The following DCAF1 variants were observed in gnomAD, a reference collection of about 807,000 sequenced individuals.
DCAF1 encodes the protein DDB1- and CUL4-associated factor 1.
Under a neutral mutation model 128.0 loss-of-function variants are expected in DCAF1, and 15 were observed. The ratio of observed to expected loss-of-function variants is 0.12; its 90% CI spans 0.08 to 0.18. The LOEUF (loss-of-function observed/expected upper bound fraction) is 0.18, where lower values mean the gene tolerates loss of function less well. Ranked by LOEUF, DCAF1 falls within the 10% of genes least tolerant of loss-of-function variation. DCAF1 has a pLI of 1.00. For synonymous variants in DCAF1, 610 were observed against 603.0 expected (o/e 1.01, Z -0.17); for missense variants, 988 against 1,649.5 (o/e 0.60, Z 6.95).
At chr3:51,502,576 AT>A (rs1159171666), upstream of DCAF1, among the ~76,000 whole-genome samples, 1 of 151,898 alleles carries the variant, frequency 6.6e-6, no homozygotes, top group African/African-American at 2.4e-5. Flanking sequence ...TTTTTTTTTA[AT>A]TTTTTTAAAA....
At chr3:51,417,714 T>C (rs1324067936) in intron 17 of DCAF1, among the ~76,000 whole-genome samples, 4 of 142,562 alleles carry the variant, frequency 2.8e-5, no homozygotes, top group Non-Finnish European at 6.0e-5. Context: ...AACGAGACTC[T>C]GTCTCACAAA....
At chr3:51,448,618 T>C (rs1301270287) in intron 6 of DCAF1, among the ~76,000 whole-genome samples, 2 of 152,242 alleles carry the variant, frequency 1.3e-5, no homozygotes, top group African/African-American at 2.4e-5. Context: ...TTACATCCAA[T>C]AGTTTAACCA....
chr3:51,504,901 C>T (rs1300193146), upstream of DCAF1, among the ~76,000 whole-genome samples: 1 of 151,924 alleles, frequency 6.6e-6, no homozygotes, highest in Non-Finnish European at 1.5e-5. Context: ...ATCATTGAGC[C>T]TAGGAGTTCA....
intron 23 of DCAF1, 22 bp from the exon 24 acceptor site, chr3:51,403,417 C>CATA: frequency 1.3e-6 from 2 of 1,551,322 alleles, no homozygotes; most frequent in Non-Finnish European, 1.7e-6. Flanking sequence ...GCGTAATGTT[C>CATA]ATTAGTACAA....
At chr3:51,446,883 C>T (rs1553640324) in intron 6 of DCAF1, among the ~76,000 whole-genome samples, 1 of 150,222 alleles carries the variant, frequency 6.7e-6, no homozygotes, top group Non-Finnish European at 1.5e-5. Context: ...ATCGCTGAGC[C>T]CGGAAGGTGG....
In DCAF1 at chr3:51,438,064, A is replaced by G. The variant is rs1553637482; in HGVS notation, c.1128+2906T>C. The G allele has an allele frequency of 6.9e-6, 3 of 435,252 alleles. No individual in the cohort carries two copies. The Admixed American group carries it at 8.9e-5, about 13-fold the overall frequency. The allele number at this position is 435,252 out of a possible 1,614,324, so 27.0% of individuals were successfully genotyped here. A position where few individuals can be genotyped will look rare whatever the true frequency, so the allele number is the denominator to read the frequency against. On this transcript the variant is annotated intron_variant, in intron 9 of 24. Transcript: ENST00000684031. ...CATCTTAAAATTTTACTTATTACATATTCATTCATTCTTTTCTGACTTCTG... is the reference window on the plus strand; with the variant it reads ...CATCTTAAAATTTTACTTATTACATGTTCATTCATTCTTTTCTGACTTCTG...
At chr3:51,454,810 A>T (rs1702723313) in intron 6 of DCAF1, among the ~76,000 whole-genome samples, 1 of 151,938 alleles carries the variant, frequency 6.6e-6, no homozygotes, top group South Asian at 2.1e-4. Context: ...AGTAGCTGGG[A>T]CTACAGGCGC....
intron 13 of DCAF1, among the ~76,000 whole-genome samples, chr3:51,425,439 TC>T (rs2107470025): frequency 6.6e-6 from 1 of 151,504 alleles, no homozygotes; most frequent in South Asian, 2.1e-4. Flanking sequence ...GCCACTGCAC[TC>T]CAGCCTGGGC....
intron 4 of DCAF1, among the ~76,000 whole-genome samples, chr3:51,467,143 C>G (rs978587226): frequency 2.0e-5 from 3 of 152,038 alleles, no homozygotes; most frequent in African/African-American, 7.2e-5. Flanking sequence ...AACAGCCTGG[C>G]CAACATGGCG....
intron 6 of DCAF1, among the ~76,000 whole-genome samples, chr3:51,447,332 C>T (rs1043197139): frequency 6.6e-6 from 1 of 151,902 alleles, no homozygotes; most frequent in African/African-American, 2.4e-5. Context: ...ATCGCTTGAA[C>T]CTGGAAGGCA....
rs782375195 is a variant in DCAF1 at position 51,416,875 on chromosome 3, T to C, written c.3519-4A>G. On this transcript the variant is annotated splice_polypyrimidine_tract_variant and splice_region_variant and intron_variant, in intron 17 of 24. Coordinates refer to ENST00000684031, the MANE Select transcript of DCAF1 (RefSeq NM_001387579.1). ...GTGATCTTCTGTGAAGGAATGCCTATGGACAAACAACAGGAGCACTGAAGT... is the reference window on the plus strand; with the variant it reads ...GTGATCTTCTGTGAAGGAATGCCTACGGACAAACAACAGGAGCACTGAAGT... 9 of 1,604,906 alleles carry C rather than the reference T, an allele frequency of 5.6e-6. No individual in the cohort carries two copies. Among genetic ancestry groups the C allele is most frequent in the African/African-American group, 4.0e-5 (3 of 74,818 alleles).
intron 7 of DCAF1, 78 bp downstream of exon 7, chr3:51,443,688 C>T (rs1252093034): frequency 7.8e-7 from 1 of 1,290,294 alleles, no homozygotes; most frequent in East Asian, 2.6e-5. Context: ...ATATGATCTA[C>T]TTATTCAGAT....
In DCAF1 at chr3:51,420,186, A is replaced by G; in HGVS notation, c.2784T>C (p.Thr928=). The change falls in exon 15 of 25, where the codon ACT becomes ACC. Residue 928 remains threonine, a synonymous_variant. Transcript: ENST00000684031. The surrounding 1 kb of genome is among the most constrained non-coding windows in gnomAD (Gnocchi z 6.5). ...AVGASAPSAP[T]AHPQPRPPQG... ...GGGGGGGCCGTGGCTGAGGATGAGC[A>G]GTAGGGGCAGAAGGCGCAGAGGCAC... 6.2e-7 allele frequency: 1 copy of G among 1,614,022 alleles called. No individual in the cohort carries two copies. Among genetic ancestry groups the G allele is most frequent in the Non-Finnish European group, 8.5e-7 (1 of 1,179,890 alleles).
At chr3:51,419,385 A>C (rs1699191221) in intron 15 of DCAF1, among the ~76,000 whole-genome samples, 1 of 152,082 alleles carries the variant, frequency 6.6e-6, no homozygotes, top group African/African-American at 2.4e-5. Context: ...TCCCATGTTT[A>C]AAACCTGTGA....
chr3:51,438,279 C>A (rs1215802945), intron 9 of DCAF1, among the ~76,000 whole-genome samples: 3 of 152,078 alleles, frequency 2.0e-5, no homozygotes, highest in African/African-American at 7.2e-5. Context: ...TTGTTGATTG[C>A]TTACGATATA....
chr3:51,502,048 C>T (rs1030349510), upstream of DCAF1, among the ~76,000 whole-genome samples: 9 of 152,144 alleles, frequency 5.9e-5, no homozygotes, highest in Non-Finnish European at 1.2e-4. Context: ...CCTCCCTGGG[C>T]CATGAACCTA....
chr3:51,439,649 T>C (rs1157204908), intron 9 of DCAF1, among the ~76,000 whole-genome samples: 1 of 152,020 alleles, frequency 6.6e-6, no homozygotes, highest in African/African-American at 2.4e-5. Context: ...GGTTTCTATT[T>C]TGTTAATCCT....
At chr3:51,414,522 T>C (rs1360437135) in intron 19 of DCAF1, 102 bp downstream of exon 19, 8 of 1,473,150 alleles carry the variant, frequency 5.4e-6, no homozygotes, top group Non-Finnish European at 6.4e-6. Context: ...TTATTACCAG[T>C]GTGGACACTT....
At chr3:51,461,247 C>T (rs1300807146) in intron 6 of DCAF1, among the ~76,000 whole-genome samples, 6 of 151,938 alleles carry the variant, frequency 3.9e-5, no homozygotes, top group African/African-American at 1.2e-4. Context: ...AAAAAGTGGG[C>T]GAAGGATATG....
Sources: gnomAD v4.1 joint callset for allele counts (sites outside exome capture counted in the v4.1 genomes callset) on GRCh38, gnomAD v4.1.1 for gene constraint, Gnocchi (gnomAD v3.1) non-coding constraint, MANE v1.5 for transcripts, NCBI Gene and HGNC (gene_info 2026-07-23, HGNC 2026-07-21) for gene names.